The following CRB1 variants were observed in gnomAD, a reference collection of about 807,000 sequenced individuals.
CRB1 encodes the protein protein crumbs homolog 1.
In CRB1, 83 loss-of-function variants were observed where a neutral mutation model predicts 120.0. The ratio of observed to expected loss-of-function variants is 0.69; its 90% CI spans 0.58 to 0.83. The LOEUF is 0.83. CRB1 is among the 40% of genes least tolerant of loss of function. The pLI, the probability that CRB1 is intolerant of heterozygous loss-of-function variation, is 0.00. For synonymous variants in CRB1, 625 were observed against 612.5 expected (o/e 1.02, Z -0.30); for missense variants, 1,699 against 1,687.6 (o/e 1.01, Z -0.12).
intron 5 of CRB1, among the ~76,000 whole-genome samples, chr1:197,379,153 C>T (rs972244679): frequency 6.6e-6 from 1 of 151,932 alleles, no homozygotes; most frequent in African/African-American, 2.4e-5. Context: ...GTCTTTCCAA[C>T]CAAAGATGTA....
intron 1 of CRB1, among the ~76,000 whole-genome samples, chr1:197,309,753 AAAATAAATAAATAAATAAATAAAT>A (rs57529093): frequency 7.1e-6 from 1 of 141,496 alleles, no homozygotes; most frequent in Non-Finnish European, 1.5e-5. Flanking sequence ...ACTACATCTC[AAAATAAATAAATAAATAAATAAAT>A]AAATAAATAA....
At chr1:197,255,718 T>C in the CRB1 span, among the ~76,000 whole-genome samples, 851 of 151,906 alleles carry the variant, frequency 5.6e-3, 8 homozygotes, top group African/African-American at 0.02. Context: ...ACAAAACCAT[T>C]ACCAACACCT....
chr1:197,344,906 T>A (rs557432486), intron 3 of CRB1, among the ~76,000 whole-genome samples: 3 of 152,240 alleles, frequency 2.0e-5, no homozygotes, highest in Non-Finnish European at 4.4e-5. Flanking sequence ...TGATATTTAA[T>A]TACTTATATC....
At chr1:197,317,288 C>T (rs1022016673) in intron 1 of CRB1, among the ~76,000 whole-genome samples, 2 of 152,088 alleles carry the variant, frequency 1.3e-5, no homozygotes, top group African/African-American at 4.8e-5. Context: ...TGTGGTGGCA[C>T]ATGCCTGTAA....
rs74797780 is a variant in CRB1 at position 197,279,711 on chromosome 1, T to A, written c.70+11229T>A. On this transcript the variant is annotated intron_variant, in intron 1 of 11. Transcript: ENST00000367400. ...GTTTGCATAAACGTAGTTTTTTCTG[T>A]AGGCTGGTAAATAGCAATTGTGTCC... Among the ~76,000 whole-genome samples, 988 of 151,928 alleles carry A rather than the reference T, an allele frequency of 6.5e-3. 16 individuals are homozygous for A. Among genetic ancestry groups the A allele is most frequent in the African/African-American group, 0.022 (932 of 41,524 alleles).
intron 1 of CRB1, among the ~76,000 whole-genome samples, chr1:197,317,939 A>ATT (rs756212378): frequency 1.0e-4 from 15 of 147,032 alleles, no homozygotes; most frequent in African/African-American, 3.7e-4. Flanking sequence ...CTAGGTAAGG[A>ATT]TTTTTTTTTT....
At chr1:197,417,192 G>C (rs545200884) in intron 5 of CRB1, among the ~76,000 whole-genome samples, 1 of 152,296 alleles carries the variant, frequency 6.6e-6, no homozygotes, top group African/African-American at 2.4e-5. Flanking sequence ...GAGTGCTCCA[G>C]TGTCATCTAA....
chr1:197,284,918 C>A (rs1247739286), intron 1 of CRB1, among the ~76,000 whole-genome samples: 1 of 151,870 alleles, frequency 6.6e-6, no homozygotes, highest in Non-Finnish European at 1.5e-5. Flanking sequence ...TGTCAAATTC[C>A]TTTCACGTCA....
chr1:197,358,140 T>C (rs1343717064), intron 5 of CRB1: 1 of 152,234 alleles, frequency 6.6e-6, no homozygotes, highest in African/African-American at 2.4e-5. Flanking sequence ...TACAGGTCTT[T>C]CTGAAATATA....
At chr1:197,417,995 C>G (rs879756518) in intron 5 of CRB1, among the ~76,000 whole-genome samples, 1 of 151,116 alleles carries the variant, frequency 6.6e-6, no homozygotes, top group Non-Finnish European at 1.5e-5. Flanking sequence ...TTTAAGAGAT[C>G]GTGACACTAC....
At chr1:197,333,086 C>T (rs1658957465) in intron 2 of CRB1, among the ~76,000 whole-genome samples, 1 of 152,128 alleles carries the variant, frequency 6.6e-6, no homozygotes, top group African/African-American at 2.4e-5. Context: ...ATAAAGAACT[C>T]CTCTTACAGA....
At chr1:197,253,775 G>A in the CRB1 span, among the ~76,000 whole-genome samples, 1 of 151,832 alleles carries the variant, frequency 6.6e-6, no homozygotes, top group Admixed American at 6.6e-5. Context: ...TTCTTAATGG[G>A]TTTGAATTTT....
At chr1:197,232,806 A>G in the CRB1 span, among the ~76,000 whole-genome samples, 1 of 152,088 alleles carries the variant, frequency 6.6e-6, no homozygotes, top group Non-Finnish European at 1.5e-5. Flanking sequence ...AGATAAATAT[A>G]CAAACATTTT....
intron 1 of CRB1, among the ~76,000 whole-genome samples, chr1:197,310,345 C>T (rs568772071): frequency 1.3e-5 from 2 of 152,268 alleles, no homozygotes; most frequent in South Asian, 2.1e-4. Flanking sequence ...CTTTTGTCTT[C>T]GCCCTCACCA....
intron 2 of CRB1, among the ~76,000 whole-genome samples, chr1:197,333,858 G>A (rs184914704): frequency 5.8e-4 from 89 of 152,246 alleles, no homozygotes; most frequent in Non-Finnish European, 1.1e-3. Context: ...GGGCATGAAA[G>A]GAAAGAGAAA....
the CRB1 span, among the ~76,000 whole-genome samples, chr1:197,236,195 C>CTTTTTTTT: frequency 8.8e-6 from 1 of 113,052 alleles, no homozygotes. Context: ...CTTTTATTTC[C>CTTTTTTTT]TTTTTTTTTT....
intron 1 of CRB1, among the ~76,000 whole-genome samples, chr1:197,324,182 G>C (rs1558053622): frequency 6.6e-6 from 1 of 152,162 alleles, no homozygotes; most frequent in South Asian, 2.1e-4. Flanking sequence ...GGTTGATGAT[G>C]ATGGGAACCT....
At chr1:197,404,213 G>C (rs866409180) in intron 5 of CRB1, among the ~76,000 whole-genome samples, 1 of 152,058 alleles carries the variant, frequency 6.6e-6, no homozygotes, top group East Asian at 1.9e-4. Flanking sequence ...CCATCAGCTG[G>C]CTCTCTCATT....
At chr1:197,209,693 A>C in the CRB1 span, among the ~76,000 whole-genome samples, 1 of 151,750 alleles carries the variant, frequency 6.6e-6, no homozygotes, top group Non-Finnish European at 1.5e-5. Flanking sequence ...CTTTCCAAAA[A>C]CCCGTGTGAG....
Sources: gnomAD v4.1 joint callset for allele counts (sites outside exome capture counted in the v4.1 genomes callset) on GRCh38, gnomAD v4.1.1 for gene constraint, MANE v1.5 for transcripts, NCBI Gene and HGNC (gene_info 2026-07-23, HGNC 2026-07-21) for gene names.